TDRD9: variants seen among roughly 807,000 people sequenced by gnomAD.
TDRD9 encodes ATP-dependent RNA helicase TDRD9.
A neutral mutation model predicts 172.6 loss-of-function variants in TDRD9; 124 were observed. The ratio of observed to expected loss-of-function variants is 0.72; its 90% CI spans 0.62 to 0.83. The LOEUF is 0.83. Ranked by LOEUF, TDRD9 falls within the 40% of genes least tolerant of loss-of-function variation. The probability of loss-of-function intolerance (pLI) is 0.00; values close to 1 mark genes in which losing one functional copy is unlikely to be tolerated. For synonymous variants in TDRD9, 619 were observed against 617.1 expected (o/e 1.00, Z -0.05); for missense variants, 1,479 against 1,714.1 (o/e 0.86, Z 2.42).
chr14:104,034,433 A>G (rs778005944), intron 31 of TDRD9, among the ~76,000 whole-genome samples: 28 of 152,018 alleles, frequency 1.8e-4, no homozygotes, highest in South Asian at 1.0e-3. Context: ...CTCGTGATCC[A>G]CCCGCCTTGG....
rs567895143 is a variant in TDRD9, at chr14:103,935,892, C to T, written c.215+7168C>T. Among the ~76,000 whole-genome samples the T allele has an allele frequency of 9.2e-4, 140 of 152,268 alleles. 1 individual carries two copies. The highest frequency in any genetic ancestry group is 1.6e-3 in the Non-Finnish European group (112 of 68,018). ...TTAAGGGTACAGATTATCAGGGAATCTCCACCTCTTGGTGCAGTACCTGAC... is the reference window on the plus strand; with the variant it reads ...TTAAGGGTACAGATTATCAGGGAATTTCCACCTCTTGGTGCAGTACCTGAC... On this transcript the variant is annotated intron_variant, in intron 1 of 35. Coordinates refer to ENST00000409874, the MANE Select transcript of TDRD9 (RefSeq NM_153046.3).
intron 20 of TDRD9, among the ~76,000 whole-genome samples, chr14:104,011,537 A>G (rs1406401930): frequency 2.0e-5 from 3 of 152,336 alleles, no homozygotes; most frequent in Non-Finnish European, 2.9e-5. Context: ...TGAGGGATCA[A>G]TTTTAAAAAA....
intron 11 of TDRD9, among the ~76,000 whole-genome samples, chr14:103,994,953 C>CA (rs1373803239): frequency 3.2e-3 from 128 of 40,220 alleles, no homozygotes; most frequent in Admixed American, 3.6e-3. Flanking sequence ...TGTCTCAAAA[C>CA]AAAAAAAAAA....
rs557322012 is a variant in TDRD9, at chr14:103,991,691, G to A, written c.1180+467G>A. On this transcript the variant is annotated intron_variant, in intron 9 of 35. Transcript: ENST00000409874. Reference sequence around the variant, plus strand: ...CTCCCAAAGTGCTGGAATTACAGATGTGAGCCACTGTGCCCGGCCAACCCT... The same window carrying A: ...CTCCCAAAGTGCTGGAATTACAGATATGAGCCACTGTGCCCGGCCAACCCT... 3.7e-4 allele frequency among the ~76,000 whole-genome samples: 57 copies of A among 152,158 alleles called. 2 individuals are homozygous for A. Among genetic ancestry groups the A allele is most frequent in the African/African-American group, 1.3e-3 (53 of 41,518 alleles).
At chr14:104,044,547 T>C (rs1374227889) in intron 34 of TDRD9, among the ~76,000 whole-genome samples, 1 of 152,234 alleles carries the variant, frequency 6.6e-6, no homozygotes, top group Non-Finnish European at 1.5e-5. Flanking sequence ...TTTTTATATA[T>C]GTGGAATCAC....
intron 2 of TDRD9, among the ~76,000 whole-genome samples, chr14:103,959,404 TTTGAAGTG>T (rs1377092739): frequency 1.3e-4 from 20 of 151,480 alleles, no homozygotes; most frequent in Non-Finnish European, 1.5e-5. Context: ...TGCTAAATGT[TTTGAAGTG>T]TTGAAGTGCC....
Position 104,014,856 on chromosome 14 carries a change from C to T in TDRD9, c.2223+15C>T. On this transcript the variant is annotated intron_variant, in intron 21 of 35. Transcript: ENST00000409874. ...TCATCCTACAGGTGTGCTGAAGTTTCCTGGATATTTTTTTTCCTGATTCTT... is the reference window on the plus strand; with the variant it reads ...TCATCCTACAGGTGTGCTGAAGTTTTCTGGATATTTTTTTTCCTGATTCTT... 2.0e-6 allele frequency: 3 copies of T among 1,468,078 alleles called. No homozygotes were observed. Among genetic ancestry groups the T allele is most frequent in the Admixed American group, 1.9e-5 (1 of 53,312 alleles). 90.9% of individuals were successfully genotyped at this position (1,468,078 alleles called of 1,614,324 possible).
chr14:103,995,089 A>G (rs1415236538), intron 11 of TDRD9, among the ~76,000 whole-genome samples: 1 of 152,210 alleles, frequency 6.6e-6, no homozygotes, highest in African/African-American at 2.4e-5. Flanking sequence ...TCAGTTTGCT[A>G]AAAAGCTAAG....
chr14:103,930,904 A>G (rs2030343371), intron 1 of TDRD9, among the ~76,000 whole-genome samples: 1 of 152,054 alleles, frequency 6.6e-6, no homozygotes, highest in African/African-American at 2.4e-5. Context: ...TAAGATTTCT[A>G]GTCCTTCATG....
intron 34 of TDRD9, among the ~76,000 whole-genome samples, chr14:104,046,839 G>A (rs974248025): frequency 6.6e-6 from 1 of 151,988 alleles, no homozygotes; most frequent in African/African-American, 2.4e-5. Context: ...GTAGAGACGG[G>A]GTTTCACTGT....
rs74089546 is a variant in TDRD9 at position 103,966,904 on chromosome 14, T to C, written c.765+73T>C. ...AAAACTCTCAGAGTATTGTGAACCC[T>C]GTCTTTGTGCCTGTCTCAGCTTTCT... On this transcript the variant is annotated intron_variant, in intron 5 of 35. Transcript: ENST00000409874. The C allele has an allele frequency of 3.4e-4, 448 of 1,334,850 alleles. No individual in the cohort carries two copies. The African/African-American group carries it at 5.9e-3, about 18-fold the overall frequency. 82.7% of individuals were successfully genotyped at this position (1,334,850 alleles called of 1,614,324 possible).
intron 30 of TDRD9, among the ~76,000 whole-genome samples, chr14:104,032,597 A>G (rs2035318830): frequency 6.6e-6 from 1 of 152,184 alleles, no homozygotes; most frequent in Non-Finnish European, 1.5e-5. Flanking sequence ...TCTATGTAAG[A>G]CATTTTTGAG....
chr14:103,962,963 TGA>T, intron 2 of TDRD9, 114 bp from the exon 3 acceptor site: 1 of 470,552 alleles, frequency 2.1e-6, no homozygotes, highest in Non-Finnish European at 3.5e-6. Flanking sequence ...TTTTTGTATT[TGA>T]GTGTGTGTGT....
In TDRD9 at chr14:103,982,558, C is replaced by T. The variant is rs894675279; in HGVS notation, c.1012-3659C>T. ...TTCTGTTACCAGATCTGGCTGTTCC[C>T]TTTCAGTGTCCTTTGGAGAGTCCTT... On this transcript the variant is annotated intron_variant, in intron 7 of 35. Coordinates refer to ENST00000409874, the MANE Select transcript of TDRD9 (RefSeq NM_153046.3). Among the ~76,000 whole-genome samples, 13 of 152,196 alleles carry T rather than the reference C, an allele frequency of 8.5e-5. No homozygotes were observed. The South Asian group carries it at 1.7e-3, about 19-fold the overall frequency.
At chr14:103,956,842 C>T (rs2032271176) in intron 2 of TDRD9, among the ~76,000 whole-genome samples, 1 of 152,078 alleles carries the variant, frequency 6.6e-6, no homozygotes, top group South Asian at 2.1e-4. Context: ...ATCTTACTAG[C>T]ACCAGGCCCT....
At chr14:103,964,790 T>TG (rs1435084534) in intron 3 of TDRD9, among the ~76,000 whole-genome samples, 2 of 152,212 alleles carry the variant, frequency 1.3e-5, no homozygotes, top group Non-Finnish European at 2.9e-5. Context: ...CCCAGAGTGC[T>TG]GGGATTGCAG....
intron 29 of TDRD9, 129 bp downstream of exon 29, chr14:104,031,392 AATTGATCCTCTT>A: frequency 2.6e-6 from 2 of 757,192 alleles, no homozygotes; most frequent in Non-Finnish European, 4.1e-6. Flanking sequence ...CTTTTCTCAC[AATTGATCCTCTT>A]ATAATAATAA....
At chr14:103,976,767 C>T (rs191368272) in intron 7 of TDRD9, among the ~76,000 whole-genome samples, 14 of 152,316 alleles carry the variant, frequency 9.2e-5, no homozygotes, top group East Asian at 3.9e-4. Flanking sequence ...TTTCCATAAA[C>T]GCTATACTAA....
chr14:103,962,990 G>GTA, intron 2 of TDRD9, 89 bp from the exon 3 acceptor site: 7 of 682,862 alleles, frequency 1.0e-5, no homozygotes, highest in South Asian at 3.9e-5. Context: ...GTGTGTGTGT[G>GTA]TGTATGCTGT....
Sources: gnomAD v4.1 joint callset for allele counts (sites outside exome capture counted in the v4.1 genomes callset) on GRCh38, gnomAD v4.1.1 for gene constraint, MANE v1.5 for transcripts, NCBI Gene and HGNC (gene_info 2026-07-23, HGNC 2026-07-21) for gene names.